Variants in BNIP3L observed in about 807,000 individuals in gnomAD.
BNIP3L encodes BCL2 interacting protein 3 like.
A neutral mutation model predicts 25.5 loss-of-function variants in BNIP3L; 10 were observed. The observed-to-expected ratio is 0.39, with a 90% CI of 0.24 to 0.67. The LOEUF is 0.67. BNIP3L is among the 30% of genes least tolerant of loss of function. The pLI is 0.45. For synonymous variants in BNIP3L, 113 were observed against 101.2 expected (o/e 1.12, Z -0.70); for missense variants, 215 against 270.9 (o/e 0.79, Z 1.45).
intron 5 of BNIP3L, among the ~76,000 whole-genome samples, chr8:26,409,244 A>T (rs1236255404): frequency 3.3e-5 from 5 of 151,866 alleles, no homozygotes; most frequent in African/African-American, 1.2e-4. Context: ...TTTTTCCTTG[A>T]TTTAAACAAT....
chr8:26,408,173 T>G, intron 4 of BNIP3L, 54 bp from the exon 5 acceptor site: 1 of 1,611,772 alleles, frequency 6.2e-7, no homozygotes, highest in Non-Finnish European at 8.5e-7. Context: ...ATGGGCCTGG[T>G]AATCCCCACG....
intron 1 of BNIP3L, among the ~76,000 whole-genome samples, chr8:26,389,362 G>C (rs1213789173): frequency 6.6e-6 from 1 of 151,690 alleles, no homozygotes; most frequent in South Asian, 2.1e-4. Flanking sequence ...TGCTTTTGGC[G>C]TATTTCTTAT....
At chr8:26,392,059 T>A (rs977846167) in intron 2 of BNIP3L, among the ~76,000 whole-genome samples, 1 of 152,150 alleles carries the variant, frequency 6.6e-6, no homozygotes, top group Non-Finnish European at 1.5e-5. Context: ...ATATTTGAGC[T>A]GAAGAAACTA....
At chr8:26,386,237 A>C (rs148436633) in intron 1 of BNIP3L, among the ~76,000 whole-genome samples, 1,769 of 152,210 alleles carry the variant, frequency 0.012, 18 homozygotes, top group Non-Finnish European at 0.019. Context: ...CAGGGCAAAT[A>C]CCCAAACTCC....
In BNIP3L at chr8:26,394,822, T is replaced by G. The variant is rs552769637; in HGVS notation, c.285-408T>G. ...GAAAGCGTCTTTGAGAACTACCTTA[T>G]GCACTTTGAGAACTACTGGTGAATT... On this transcript the variant is annotated intron_variant, in intron 2 of 5. Coordinates refer to ENST00000380629, the MANE Select transcript of BNIP3L (RefSeq NM_004331.3). Among the ~76,000 whole-genome samples the G allele has an allele frequency of 2.6e-5, 4 of 152,314 alleles. No homozygotes were observed. In the South Asian group the frequency reaches 8.3e-4, roughly 32 times the overall value.
intron 5 of BNIP3L, 32 bp downstream of exon 5, chr8:26,408,408 C>T: frequency 6.3e-7 from 1 of 1,578,870 alleles, no homozygotes; most frequent in Non-Finnish European, 8.6e-7. Flanking sequence ...AAGTTTTTTC[C>T]ATTCATTTTA....
intron 3 of BNIP3L, among the ~76,000 whole-genome samples, chr8:26,398,100 A>G (rs1356157077): frequency 1.2e-5 from 1 of 85,646 alleles, no homozygotes; most frequent in Non-Finnish European, 2.4e-5. Flanking sequence ...CAGGAATTGA[A>G]CTCAGCTCTG....
intron 1 of BNIP3L, among the ~76,000 whole-genome samples, chr8:26,390,102 C>T (rs1806071548): frequency 6.6e-6 from 1 of 152,090 alleles, no homozygotes; most frequent in Non-Finnish European, 1.5e-5. Context: ...CTACTGTTAA[C>T]AATTTATTTA....
At position 26,410,375 on chromosome 8, in the gene BNIP3L, G is replaced by T. The variant is rs1304387940; in HGVS notation, c.623G>T (p.Gly208Val). The T allele has an allele frequency of 6.2e-7, 1 of 1,614,094 alleles. No individual in the cohort carries two copies. The highest frequency in any genetic ancestry group is 1.7e-5 in the Admixed American group (1 of 60,010). Residue 208 changes from glycine to valine, a missense_variant, in exon 6 of 6, where the codon GGA becomes GTA. By Grantham distance (109) the Gly-to-Val change is moderately radical. Transcript: ENST00000380629. ...CTGCTTCCTTTCAGCATCTATATTG[G>T]AAAGCGACTGAGCACACCCTCTGCC... ...VLALGLGIYI[G>V]KRLSTPSAST...
intron 3 of BNIP3L, among the ~76,000 whole-genome samples, chr8:26,397,686 TAA>T (rs1352321526): frequency 1.4e-5 from 1 of 74,040 alleles, no homozygotes; most frequent in Non-Finnish European, 2.8e-5. Context: ...GCAAATTGGA[TAA>T]AGAGTCAAGA....
At chr8:26,401,693 C>G (rs1174568543) in intron 3 of BNIP3L, among the ~76,000 whole-genome samples, 1 of 149,124 alleles carries the variant, frequency 6.7e-6, no homozygotes, top group East Asian at 2.0e-4. Context: ...CATCTGAAAT[C>G]AAAGCAGTGG....
rs1806102453 is a variant in BNIP3L at position 26,391,217 on chromosome 8, GTTAAC to G, written c.101-22_101-18del. The G allele has an allele frequency of 1.9e-6, 3 of 1,550,878 alleles. No homozygotes were observed. In the African/African-American group the frequency reaches 4.1e-5, roughly 21 times the overall value. On this transcript the variant is annotated intron_variant, in intron 1 of 5. Transcript: ENST00000380629. ...CATGACAGATTTCAGTTCTGCTGTG[GTTAAC>G]TTATCTGACTTGTCCAACAGGTTCC...
chr8:26,392,075 A>G (rs1806125250), intron 2 of BNIP3L, among the ~76,000 whole-genome samples: 1 of 152,100 alleles, frequency 6.6e-6, no homozygotes, highest in African/African-American at 2.4e-5. Context: ...AACTAATTAC[A>G]TGGATTAAGG....
At position 26,408,278 on chromosome 8, in the gene BNIP3L, A is replaced by T; in HGVS notation, c.513A>T (p.Lys171Asn). ...PKRSVSLSMR[K>N]SGAMKKGGIF... ...GTTCTGTGTCTTTAAGCATGAGGAA[A>T]AGTGGAGCCATGAAGAAAGGGGGTA... The change falls in exon 5 of 6, where the codon AAA becomes AAT. Residue 171 changes from lysine (K) to asparagine (N), a missense_variant. By Grantham distance (94) the Lys-to-Asn change is moderately conservative. Around this residue, in one of 4 missense-constraint regions of BNIP3L, gnomAD observed 63 missense variants for 98.8 expected, o/e 0.64. Transcript: ENST00000380629. 6.2e-7 allele frequency: 1 copy of T among 1,614,188 alleles called. No individual in the cohort carries two copies. The highest frequency in any genetic ancestry group is 8.5e-7 in the Non-Finnish European group (1 of 1,180,018).
chr8:26,407,316 G>C (rs1200303216), intron 3 of BNIP3L, among the ~76,000 whole-genome samples: 1 of 152,036 alleles, frequency 6.6e-6, no homozygotes, highest in Non-Finnish European at 1.5e-5. Context: ...CTCCCGAGTA[G>C]CTGGGACTAC....
rs950774191 is a variant in BNIP3L, at chr8:26,383,206, C to G, written c.76C>G (p.Leu26Val). ...CAACTGCGAGGAAAATGAGCAGTCTCTGCCCCCGCCGGCCGGCCTCAACAG... is the reference window on the plus strand; with the variant it reads ...CAACTGCGAGGAAAATGAGCAGTCTGTGCCCCCGCCGGCCGGCCTCAACAG... ...NNNCEENEQS[L>V]PPPAGLNSSW... is the part of the protein sequence containing the mutation. The change falls in exon 1 of 6, where the codon CTG (leucine) becomes GTG (valine). Residue 26 changes from leucine to valine, a missense_variant. By Grantham distance (32) the Leu-to-Val change is conservative. Coordinates refer to ENST00000380629, the MANE Select transcript of BNIP3L (RefSeq NM_004331.3). 2.5e-6 allele frequency: 4 copies of G among 1,611,288 alleles called. No individual in the cohort carries two copies. The highest frequency in any genetic ancestry group is 1.1e-5 in the South Asian group (1 of 90,942).
At chr8:26,392,002 C>T (rs190728233) in intron 2 of BNIP3L, among the ~76,000 whole-genome samples, 1 of 152,230 alleles carries the variant, frequency 6.6e-6, no homozygotes, top group East Asian at 1.9e-4. Flanking sequence ...GTTTTGAAGT[C>T]TCCTCTGCTT....
intron 1 of BNIP3L, among the ~76,000 whole-genome samples, chr8:26,386,830 A>G (rs1010380971): frequency 7.9e-5 from 12 of 152,128 alleles, no homozygotes; most frequent in African/African-American, 2.4e-4. Flanking sequence ...TTGAATACCT[A>G]CGTAACTTGT....
chr8:26,406,439 A>G (rs1209420399), intron 3 of BNIP3L, among the ~76,000 whole-genome samples: 2 of 152,190 alleles, frequency 1.3e-5, no homozygotes, highest in Non-Finnish European at 2.9e-5. Context: ...ACCTTAGGCA[A>G]GTTATTTAAT....
Sources: gnomAD v4.1 joint callset for allele counts (sites outside exome capture counted in the v4.1 genomes callset) on GRCh38, gnomAD v4.1.1 for gene constraint, gnomAD v4.1.1 regional missense constraint, MANE v1.5 for transcripts, NCBI Gene and HGNC (gene_info 2026-07-23, HGNC 2026-07-21) for gene names.